PANX3: variants seen among roughly 807,000 people sequenced by gnomAD.
The protein encoded by PANX3 is pannexin 3.
PANX3 carries 18 observed loss-of-function variants against 31.5 expected under a neutral mutation model. The observed-to-expected ratio is 0.57, with a 90% CI of 0.39 to 0.85. PANX3 has a LOEUF of 0.85. Ranked by LOEUF, PANX3 falls within the 40% of genes least tolerant of loss-of-function variation. The probability of loss-of-function intolerance (pLI) is 0.00; values close to 1 mark genes in which losing one functional copy is unlikely to be tolerated. For missense variants in PANX3, 426 were observed against 485.4 expected (o/e 0.88, Z 1.15); for synonymous variants, 194 against 201.6 (o/e 0.96, Z 0.32).
intron 1 of PANX3, 99 bp from the exon 2 acceptor site, chr11:124,612,881 T>G: frequency 3.4e-6 from 5 of 1,459,332 alleles, no homozygotes; most frequent in Non-Finnish European, 4.7e-6. Flanking sequence ...AGACAGTCCC[T>G]GCCAGAAACA....
chr11:124,613,957 T>G lies in PANX3; in HGVS notation c.324+835T>G, dbSNP rs183519022. Among the ~76,000 whole-genome samples the G allele has an allele frequency of 2.7e-3, 411 of 152,222 alleles. 2 individuals carry two copies. Among genetic ancestry groups the G allele is most frequent in the Non-Finnish European group, 4.8e-3 (324 of 68,016 alleles). The stretch of plus-strand genomic sequence containing the variant: ...TTGGCCTTATAAAAATATGTCTTAT[T>G]GTCATCCTAGTGGGGTTTTAGGAGG... On this transcript the variant is annotated intron_variant, in intron 2 of 3. Transcript: ENST00000284288.
At chr11:124,613,706 C>T (rs1863120198) in intron 2 of PANX3, among the ~76,000 whole-genome samples, 1 of 151,876 alleles carries the variant, frequency 6.6e-6, no homozygotes, top group Non-Finnish European at 1.5e-5. Flanking sequence ...AAAGGATCTG[C>T]GGGCTGCTTC....
intron 1 of PANX3, among the ~76,000 whole-genome samples, chr11:124,612,578 C>A (rs1863106069): frequency 6.6e-6 from 1 of 152,232 alleles, no homozygotes; most frequent in Non-Finnish European, 1.5e-5. Context: ...ATTTGCCCAC[C>A]CTTTCTCTTC....
intron 1 of PANX3, among the ~76,000 whole-genome samples, chr11:124,612,141 C>T (rs965346776): frequency 4.6e-5 from 7 of 152,108 alleles, no homozygotes; most frequent in Non-Finnish European, 2.9e-5. Context: ...GCTCTGGGCC[C>T]TCTTCCCACC....
intron 2 of PANX3, among the ~76,000 whole-genome samples, chr11:124,614,504 G>A (rs907928520): frequency 1.3e-5 from 2 of 152,002 alleles, no homozygotes; most frequent in Non-Finnish European, 2.9e-5. Context: ...CTGACCTCAG[G>A]TGATCCACCT....
In PANX3 at chr11:124,620,172, G is replaced by C; in HGVS notation, c.*237G>C. ...TCAAAGAGCTAAAAAATTAAGTCTA[G>C]AACATTCTATGAGGATAGTATAAAT... On this transcript the variant is annotated 3_prime_UTR_variant, in exon 4 of 4. Transcript: ENST00000284288. 1.9e-6 allele frequency: 1 copy of C among 517,164 alleles called. No homozygotes were observed. The highest frequency in any genetic ancestry group is 3.4e-6 in the Non-Finnish European group (1 of 298,298). The allele number at this position is 517,164 out of a possible 1,614,324, so 32.0% of individuals were successfully genotyped here. A position where few individuals can be genotyped will look rare whatever the true frequency, so the allele number is the denominator to read the frequency against.
At position 124,620,263 on chromosome 11, in the gene PANX3, T is replaced by G; in HGVS notation, c.*328T>G. The G allele has an allele frequency of 4.7e-6, 1 of 211,034 alleles. No homozygotes were observed. 13.1% of individuals were successfully genotyped at this position (211,034 alleles called of 1,614,324 possible). On this transcript the variant is annotated 3_prime_UTR_variant, in exon 4 of 4. Transcript: ENST00000284288. ...TTCTAAAGTCCGTTTATGGAGGCAA[T>G]TCCATATCCTTTCTTGAACGCACAT...
rs35569094 is a variant in PANX3, at chr11:124,619,378, A to G, written c.622A>G (p.Thr208Ala). 0.017 allele frequency: 28,214 copies of G among 1,614,090 alleles called. 360 individuals are homozygous for G. The highest frequency in any genetic ancestry group is 0.026 in the South Asian group (2,363 of 91,078). ...GCAGCGTTCACATTCGCTAGTGGCT[A>G]CCTACCTCCTGAGGAACTCCCTCTT... ...CKQRSHSLVA[T>A]YLLRNSLLLI... Residue 208 changes from threonine (T) to alanine (A), a missense_variant, in exon 4 of 4, where the codon ACC (threonine) becomes GCC (alanine). By Grantham distance (58) the Thr-to-Ala change is moderately conservative. Transcript: ENST00000284288.
rs1863192890 is a variant in PANX3, at chr11:124,619,598, C to T, written c.842C>T (p.Thr281Ile). Residue 281 changes from threonine to isoleucine, a missense_variant, in exon 4 of 4, where the codon ACC becomes ATC. Thr to Ile is a moderately conservative substitution (Grantham distance 89). Transcript: ENST00000284288. Reference protein sequence around the residue: ...IVSLSSVAIYTILVPVIIYNL... With the variant: ...IVSLSSVAIYIILVPVIIYNL... ...AGCCTCTCCAGTGTAGCAATATACACCATATTGGTTCCAGTGATAATATAC... is the reference window on the plus strand; with the variant it reads ...AGCCTCTCCAGTGTAGCAATATACATCATATTGGTTCCAGTGATAATATAC... The T allele has an allele frequency of 1.9e-6, 3 of 1,614,112 alleles. No homozygotes were observed. Among genetic ancestry groups the T allele is most frequent in the South Asian group, 1.1e-5 (1 of 91,068 alleles).
intron 1 of PANX3, 28 bp from the exon 2 acceptor site, chr11:124,612,952 C>T (rs771460712): frequency 1.2e-5 from 20 of 1,610,268 alleles, no homozygotes; most frequent in South Asian, 3.3e-5. Flanking sequence ...CCAACTCAGG[C>T]GGCCTCAAAG....
chr11:124,614,670 C>CTTTTTTTTT (rs138365917), intron 2 of PANX3, among the ~76,000 whole-genome samples: 8 of 95,324 alleles, frequency 8.4e-5, no homozygotes, highest in South Asian at 3.5e-4. Context: ...AACGCCCTTT[C>CTTTTTTTTT]TTTTTTTTTT....
At position 124,616,954 on chromosome 11, in the gene PANX3, A is replaced by T. The variant is rs1394666018; in HGVS notation, c.325-320A>T. Among the ~76,000 whole-genome samples, 1 of 77,542 alleles carries T rather than the reference A, an allele frequency of 1.3e-5. No individual in the cohort carries two copies. The highest frequency in any genetic ancestry group is 4.5e-5 in the African/African-American group (1 of 22,086). The allele number at this position is 77,542 out of a possible 152,430, so 50.9% of individuals were successfully genotyped here. A position where few individuals can be genotyped will look rare whatever the true frequency, so the allele number is the denominator to read the frequency against. On this transcript the variant is annotated intron_variant, in intron 2 of 3. Coordinates refer to ENST00000284288, the MANE Select transcript of PANX3 (RefSeq NM_052959.3). This position sits in a 1 kb window ranked among gnomAD's most constrained non-coding sequence, Gnocchi z 4.8. ...TCCCCTCCCTTCCCCTCTCCTTCCC[A>T]CCTCTCCTCTCTCTCTCTCTCCTTA...
Position 124,617,300 on chromosome 11 carries a change from G to C in PANX3, c.351G>C (p.Leu117=). Reference sequence around the variant, plus strand: ...CCCTCCCCTACTCCCTGCTGGCCCTGGCCTTGCTCATGTACCTGCCGGTGC... The same window carrying C: ...CCCTCCCCTACTCCCTGCTGGCCCTCGCCTTGCTCATGTACCTGCCGGTGC... ...HKALPYSLLA[L]ALLMYLPVLL... Residue 117 remains leucine (L), a synonymous_variant, in exon 3 of 4, where the codon CTG becomes CTC. Transcript: ENST00000284288. 1.2e-6 allele frequency: 2 copies of C among 1,608,308 alleles called. No individual in the cohort carries two copies. Among genetic ancestry groups the C allele is most frequent in the Non-Finnish European group, 1.7e-6 (2 of 1,179,990 alleles).
chr11:124,618,015 A>G (rs1374397003), intron 3 of PANX3, among the ~76,000 whole-genome samples: 1 of 152,212 alleles, frequency 6.6e-6, no homozygotes, highest in Non-Finnish European at 1.5e-5. Flanking sequence ...GGGGTAGGAG[A>G]GACAAAGCTG....
In PANX3 at chr11:124,619,278, C is replaced by G; in HGVS notation, c.540-18C>G. On this transcript the variant is annotated intron_variant, in intron 3 of 3. Coordinates refer to ENST00000284288, the MANE Select transcript of PANX3 (RefSeq NM_052959.3). ...AAATGGTCACTACTAACCTTGCCTC[C>G]TTCCTTCCACTGCCCAGGGCTCGGA... is the stretch of plus-strand genomic sequence containing the variant. 1 of 1,602,294 alleles carries G rather than the reference C, an allele frequency of 6.2e-7. No individual in the cohort carries two copies. Among genetic ancestry groups the G allele is most frequent in the South Asian group, 1.1e-5 (1 of 88,542 alleles).
At chr11:124,615,183 A>G (rs1863139056) in intron 2 of PANX3, among the ~76,000 whole-genome samples, 1 of 151,934 alleles carries the variant, frequency 6.6e-6, no homozygotes, top group Non-Finnish European at 1.5e-5. Context: ...TCTGGGTTCA[A>G]GTGATTATCC....
chr11:124,615,918 A>G (rs1461670828), intron 2 of PANX3, among the ~76,000 whole-genome samples: 1 of 152,152 alleles, frequency 6.6e-6, no homozygotes, highest in Non-Finnish European at 1.5e-5. Context: ...AGGCTGAGGC[A>G]GGAGAATTGC....
chr11:124,611,674 T>A lies in PANX3; in HGVS notation c.118T>A (p.Phe40Ile). The A allele has an allele frequency of 6.2e-7, 1 of 1,614,114 alleles. No homozygotes were observed. Among genetic ancestry groups the A allele is most frequent in the Non-Finnish European group, 8.5e-7 (1 of 1,179,990 alleles). ...ACTGCCCCTGGACCGGATAGTCAAGTTCGTAGCTGTGGGCTCCCCCTTGTT... is the reference window on the plus strand; with the variant it reads ...ACTGCCCCTGGACCGGATAGTCAAGATCGTAGCTGTGGGCTCCCCCTTGTT... ...LELPLDRIVK[F>I]VAVGSPLLLM... is the part of the protein sequence containing the mutation. The change falls in exon 1 of 4, where the codon TTC (phenylalanine) becomes ATC (isoleucine). Residue 40 changes from phenylalanine (F) to isoleucine (I), a missense_variant. By Grantham distance (21) the Phe-to-Ile change is conservative. Transcript: ENST00000284288.
rs1055271666 is a variant in PANX3, at chr11:124,619,560, T to C, written c.804T>C (p.Ile268=). 1 of 1,614,234 alleles carries C rather than the reference T, an allele frequency of 6.2e-7. No homozygotes were observed. The highest frequency in any genetic ancestry group is 1.3e-5 in the African/African-American group (1 of 75,044). Residue 268 remains isoleucine (I), a synonymous_variant, in exon 4 of 4, where the codon ATT becomes ATC. Coordinates refer to ENST00000284288, the MANE Select transcript of PANX3 (RefSeq NM_052959.3). ...LITCRLTSLS[I]FQIVSLSSVA... ...CATGCAGGCTGACATCACTGTCCAT[T>C]TTCCAGATTGTTAGCCTCTCCAGTG...
Sources: gnomAD v4.1 joint callset for allele counts (sites outside exome capture counted in the v4.1 genomes callset) on GRCh38, gnomAD v4.1.1 for gene constraint, Gnocchi (gnomAD v3.1) non-coding constraint, MANE v1.5 for transcripts, NCBI Gene and HGNC (gene_info 2026-07-23, HGNC 2026-07-21) for gene names.